SERPINB9: variants seen among roughly 807,000 people sequenced by gnomAD.
SERPINB9 encodes the protein serpin B9.
A neutral mutation model predicts 27.2 loss-of-function variants in SERPINB9; 20 were observed. The observed-to-expected ratio is 0.74, with a 90% confidence interval of 0.52 to 1.07. The LOEUF (loss-of-function observed/expected upper bound fraction) is 1.07, where lower values mean the gene tolerates loss of function less well. Ranked by LOEUF, SERPINB9 falls within the 50% of genes least tolerant of loss-of-function variation. SERPINB9 has a pLI of 0.00. For synonymous variants in SERPINB9, 189 were observed against 180.0 expected, an observed-to-expected ratio of 1.05 and a Z score of -0.40; for missense variants, 476 against 460.1, an observed-to-expected ratio of 1.03 and a Z score of -0.32.
intron 2 of SERPINB9, chr6:2,899,812 C>G (rs1314013342): frequency 7.7e-6 from 3 of 388,826 alleles, no homozygotes; most frequent in Admixed American, 3.3e-5. Flanking sequence ...TGTCCAGCGG[C>G]CTGCACTCAG....
Position 2,890,390 on chromosome 6 carries a change from CCGA to C in SERPINB9, c.901_903del (p.Ser301del). Reference sequence around the variant, plus strand: ...CACAGGTCTCTCTCCGCTGACATTGCCGACAAGTCAGCCTTGCCCTGTTGGAAG... The same window carrying C: ...CACAGGTCTCTCTCCGCTGACATTGCCAAGTCAGCCTTGCCCTGTTGGAAG... On this transcript the variant is annotated inframe_deletion, in exon 7 of 7. Coordinates refer to ENST00000380698, the MANE Select transcript of SERPINB9 (RefSeq NM_004155.6). The surrounding 1 kb of genome is among the most constrained non-coding windows in gnomAD (Gnocchi z 6.2). 6.2e-7 allele frequency: 1 copy of C among 1,614,232 alleles called. No individual in the cohort carries two copies. The highest frequency in any genetic ancestry group is 8.5e-7 in the Non-Finnish European group (1 of 1,180,042).
intron 2 of SERPINB9, among the ~76,000 whole-genome samples, chr6:2,898,356 A>G (rs187803583): frequency 6.6e-4 from 100 of 152,364 alleles, no homozygotes; most frequent in African/African-American, 2.3e-3. Context: ...CCAAAAGCTA[A>G]GACCAATTTC....
At chr6:2,893,593 T>C (rs370755531) in intron 4 of SERPINB9, 40 bp from the exon 5 acceptor site, 1 of 1,572,214 alleles carries the variant, frequency 6.4e-7, no homozygotes, top group South Asian at 1.1e-5. Flanking sequence ...TTGCTTTTTA[T>C]AAGAACCTGA....
intron 2 of SERPINB9, among the ~76,000 whole-genome samples, chr6:2,899,316 T>C (rs1768112513): frequency 6.6e-6 from 1 of 152,116 alleles, no homozygotes; most frequent in African/African-American, 2.4e-5. Flanking sequence ...GTTCTCACGC[T>C]TGAATGCCTG....
At chr6:2,893,294 A>C in intron 5 of SERPINB9, 117 bp downstream of exon 5, 2 of 944,440 alleles carry the variant, frequency 2.1e-6, no homozygotes, top group East Asian at 2.9e-5. Context: ...ATTCAGAAAT[A>C]CTTTAAGTTT....
chr6:2,900,934 A>G (rs1266180955), intron 1 of SERPINB9, among the ~76,000 whole-genome samples: 2 of 116,940 alleles, frequency 1.7e-5, no homozygotes, highest in South Asian at 2.6e-4. Context: ...GTGAACTCCA[A>G]TTCTTTCCGT....
At position 2,888,199 on chromosome 6, in the gene SERPINB9, A is replaced by G. The variant is rs1767660045; in HGVS notation, c.*1964T>C. 6.6e-6 allele frequency: 1 copy of G among 152,204 alleles called. No homozygotes were observed. Among genetic ancestry groups the G allele is most frequent in the Non-Finnish European group, 1.5e-5 (1 of 68,022 alleles). 9.4% of individuals were successfully genotyped at this position (152,204 alleles called of 1,614,324 possible). A position where few individuals can be genotyped will look rare whatever the true frequency, so the allele number is the denominator to read the frequency against. ...GGAAAATAATAAGTGTTGGTGAGGA[A>G]GTGGACAGAAATTGGAATTCTCATA... On this transcript the variant is annotated 3_prime_UTR_variant, in exon 7 of 7. Transcript: ENST00000380698.
chr6:2,895,159 C>T (rs1015552344), intron 4 of SERPINB9, among the ~76,000 whole-genome samples: 2 of 152,116 alleles, frequency 1.3e-5, no homozygotes, highest in African/African-American at 2.4e-5. Flanking sequence ...TTTATGAGTC[C>T]ATCAAGGTTC....
rs35916133 is a variant in SERPINB9 at position 2,887,846 on chromosome 6, C to CAAAAAAAAAAAAAAAAAAAAAAAAAA, written c.*2316_*2317insTTTTTTTTTTTTTTTTTTTTTTTTTT. On this transcript the variant is annotated 3_prime_UTR_variant, in exon 7 of 7. Coordinates refer to ENST00000380698, the MANE Select transcript of SERPINB9 (RefSeq NM_004155.6). ...TGGGTGACAGAGTGAGGCACTGTCT[C>CAAAAAAAAAAAAAAAAAAAAAAAAAA]AAAAAAAAAAAAAAAAAAAAAAAAG... 1.6e-5 allele frequency: 1 copy of CAAAAAAAAAAAAAAAAAAAAAAAAAA among 62,410 alleles called. No individual in the cohort carries two copies. The allele number at this position is 62,410 out of a possible 1,614,324, so 3.9% of individuals were successfully genotyped here.
chr6:2,892,522 T>C (rs1442824408), intron 5 of SERPINB9, among the ~76,000 whole-genome samples: 1 of 152,168 alleles, frequency 6.6e-6, no homozygotes, highest in East Asian at 1.9e-4. Flanking sequence ...TCAATTCTGA[T>C]ACTCTAATGA....
chr6:2,899,846 T>A (rs757555405), intron 2 of SERPINB9: 7 of 434,516 alleles, frequency 1.6e-5, no homozygotes, highest in Non-Finnish European at 3.2e-5. Context: ...CGGTTTCATC[T>A]CACGTGTATG....
At chr6:2,893,659 G>T in intron 4 of SERPINB9, 106 bp from the exon 5 acceptor site, 2 of 1,016,676 alleles carry the variant, frequency 2.0e-6, no homozygotes, top group Non-Finnish European at 2.9e-6. Flanking sequence ...TTTCAACTTT[G>T]CTGAGTTTGG....
In SERPINB9 at chr6:2,890,424, A is replaced by C. The variant is rs965028311; in HGVS notation, c.870T>G (p.Val290=). ...MESVLRHLGI[V]DAFQQGKADL... is the part of the protein sequence containing the mutation. ...CAGCCTTGCCCTGTTGGAAGGCATCAACAATTCCCAAATGCCGAAGCACAG... is the reference window on the plus strand; with the variant it reads ...CAGCCTTGCCCTGTTGGAAGGCATCCACAATTCCCAAATGCCGAAGCACAG... The change falls in exon 7 of 7, where the codon GTT becomes GTG. Residue 290 remains valine, a synonymous_variant. Coordinates refer to ENST00000380698, the MANE Select transcript of SERPINB9 (RefSeq NM_004155.6). The surrounding 1 kb of genome is among the most constrained non-coding windows in gnomAD (Gnocchi z 6.2). 4.3e-6 allele frequency: 7 copies of C among 1,614,110 alleles called. No individual in the cohort carries two copies. The highest frequency in any genetic ancestry group is 5.9e-6 in the Non-Finnish European group (7 of 1,180,048).
Position 2,891,891 on chromosome 6 carries a change from G to C in SERPINB9, c.665C>G (p.Ala222Gly). ...CACCAGCAGGCTCAGCTCCTTCCTG[G>C]CGTAGGGCAGCTCCAGCAGCTGCGC... ...VRAQLLELPY[A>G]RKELSLLVLL... Residue 222 changes from alanine (A) to glycine (G), a missense_variant, in exon 6 of 7, where the codon GCC becomes GGC. By Grantham distance (60) the Ala-to-Gly change is moderately conservative (BLOSUM62 0). Coordinates refer to ENST00000380698, the MANE Select transcript of SERPINB9 (RefSeq NM_004155.6). This position sits in a 1 kb window ranked among gnomAD's most constrained non-coding sequence, Gnocchi z 4.0. 1 of 1,612,436 alleles carries C rather than the reference G, an allele frequency of 6.2e-7. No individual in the cohort carries two copies. The highest frequency in any genetic ancestry group is 8.5e-7 in the Non-Finnish European group (1 of 1,179,804).
chr6:2,901,853 G>A (rs186163842), intron 1 of SERPINB9, among the ~76,000 whole-genome samples: 1 of 151,822 alleles, frequency 6.6e-6, no homozygotes, highest in East Asian at 1.9e-4. Context: ...CCCCACTGTC[G>A]GGACACCTCA....
At chr6:2,895,971 A>G in intron 3 of SERPINB9, 82 bp downstream of exon 3, 4 of 1,422,808 alleles carry the variant, frequency 2.8e-6, no homozygotes, top group South Asian at 1.5e-5. Context: ...AAATTTCTCA[A>G]TTTCTCTAGG....
chr6:2,900,885 T>TCTCTCACACACA (rs61100591), intron 1 of SERPINB9, among the ~76,000 whole-genome samples: 11 of 141,574 alleles, frequency 7.8e-5, no homozygotes, highest in African/African-American at 2.5e-4. Flanking sequence ...GCTCGCTCTC[T>TCTCTCACACACA]CACACACACA....
chr6:2,895,710 G>GAATTTTACCTTTC (rs1413338479), intron 3 of SERPINB9, among the ~76,000 whole-genome samples: 2 of 151,860 alleles, frequency 1.3e-5, no homozygotes, highest in African/African-American at 4.8e-5. Context: ...ATGAACTTGA[G>GAATTTTACCTTTC]AATTTTACCT....
intron 1 of SERPINB9, among the ~76,000 whole-genome samples, chr6:2,901,479 G>A (rs545814571): frequency 1.3e-5 from 2 of 152,314 alleles, no homozygotes; most frequent in Admixed American, 6.5e-5. Context: ...CCTGCAGAAC[G>A]CCAGAATGGA....
Sources: gnomAD v4.1 joint callset for allele counts (sites outside exome capture counted in the v4.1 genomes callset) on GRCh38, gnomAD v4.1.1 for gene constraint, Gnocchi (gnomAD v3.1) non-coding constraint, MANE v1.5 for transcripts, NCBI Gene and HGNC (gene_info 2026-07-23, HGNC 2026-07-21) for gene names.